IGDCC3: variants seen among roughly 807,000 people sequenced by gnomAD.
IGDCC3 encodes immunoglobulin superfamily DCC subclass member 3.
In IGDCC3, 47 loss-of-function variants were observed where a neutral mutation model predicts 72.0. The observed-to-expected ratio is 0.65, with a 90% CI of 0.52 to 0.83. The LOEUF (loss-of-function observed/expected upper bound fraction) is 0.83. Ranked by LOEUF, IGDCC3 falls within the 40% of genes least tolerant of loss-of-function variation. The pLI, the probability that IGDCC3 is intolerant of heterozygous loss-of-function variation, is 0.00. For missense variants in IGDCC3, 1,038 were observed against 1,091.3 expected (o/e 0.95, Z 0.69); for synonymous variants, 477 against 472.8 (o/e 1.01, Z -0.11).
intron 2 of IGDCC3, among the ~76,000 whole-genome samples, chr15:65,347,760 G>A (rs1277242602): frequency 6.6e-6 from 1 of 152,012 alleles, no homozygotes; most frequent in Non-Finnish European, 1.5e-5. Context: ...GCGAAACCCT[G>A]TCCTTACTAA....
Position 65,330,628 on chromosome 15 carries a change from G to T in IGDCC3, c.1675C>A (p.Arg559Ser), listed in dbSNP as rs778997115. The T allele has an allele frequency of 1.2e-6, 2 of 1,613,798 alleles. No individual in the cohort carries two copies. Among genetic ancestry groups the T allele is most frequent in the South Asian group, 2.2e-5 (2 of 91,074 alleles). The change falls in exon 10 of 14, where the codon CGC (arginine) becomes AGC (serine). Residue 559 changes from arginine to serine, a missense_variant. Arg to Ser is a moderately radical substitution (Grantham distance 110, BLOSUM62 -1). Coordinates refer to ENST00000327987, the MANE Select transcript of IGDCC3 (RefSeq NM_004884.4). The stretch of plus-strand genomic sequence containing the variant: ...GTGAAGGAGGTCTTGCTTGCTGGGC[G>T]GTAAAACAGCTTGAAGCCGCCCTCG... ...QHEGGFKLFYRPASKTSFTGP... is the reference protein window; with the variant it reads ...QHEGGFKLFYSPASKTSFTGP...
At position 65,335,898 on chromosome 15, in the gene IGDCC3, G is replaced by A. The variant is rs779654851; in HGVS notation, c.468C>T (p.Ala156=). Residue 156 remains alanine, a synonymous_variant, in exon 3 of 14, where the codon GCC becomes GCT. Transcript: ENST00000327987. ...GCCCATGGATTTGGCACTGGAAGCG[G>A]GCCACACCACCCTCCTCACCCACGG... ...QATVGEEGGV[A]RFQCQIHGLP... The A allele has an allele frequency of 6.2e-6, 10 of 1,614,028 alleles. No individual in the cohort carries two copies. The highest frequency in any genetic ancestry group is 8.5e-6 in the Non-Finnish European group (10 of 1,180,000).
chr15:65,334,037 A>G (rs562007444), intron 5 of IGDCC3, among the ~76,000 whole-genome samples: 5 of 149,568 alleles, frequency 3.3e-5, no homozygotes, highest in African/African-American at 1.2e-4. Flanking sequence ...ACAAGGAGAC[A>G]GCTCCCCATT....
intron 5 of IGDCC3, among the ~76,000 whole-genome samples, chr15:65,333,788 T>A (rs560850734): frequency 6.6e-6 from 1 of 152,222 alleles, no homozygotes; most frequent in Non-Finnish European, 1.5e-5. Flanking sequence ...GTAAGTCACA[T>A]CACAGTGCCC....
chr15:65,366,133 G>A (rs372412655), intron 2 of IGDCC3, among the ~76,000 whole-genome samples: 9 of 150,824 alleles, frequency 6.0e-5, no homozygotes, highest in Non-Finnish European at 1.5e-5. Flanking sequence ...ATTTGAACCC[G>A]GGAGGTGGAG....
chr15:65,368,160 TCACA>T (rs57451250), intron 2 of IGDCC3, among the ~76,000 whole-genome samples: 9,923 of 146,240 alleles, frequency 0.068, 380 homozygotes, highest in Non-Finnish European at 0.085. Flanking sequence ...TCTCTTTCAC[TCACA>T]CACACACACA....
chr15:65,361,424 CCAGGA>C (rs2091260425), intron 2 of IGDCC3, among the ~76,000 whole-genome samples: 1 of 151,360 alleles, frequency 6.6e-6, no homozygotes, highest in South Asian at 2.1e-4. Flanking sequence ...CCAGGATCAA[CCAGGA>C]TGACAGAGCA....
intron 2 of IGDCC3, among the ~76,000 whole-genome samples, chr15:65,347,937 AAACAACAACAAC>A (rs138666608): frequency 2.7e-5 from 4 of 150,560 alleles, no homozygotes; most frequent in Admixed American, 6.6e-5. Context: ...ATTTCATCTC[AAACAACAACAAC>A]AACAACAACA....
chr15:65,373,500 G>A (rs1173591548), intron 2 of IGDCC3: 2 of 152,424 alleles, frequency 1.3e-5, no homozygotes, highest in African/African-American at 4.8e-5. Flanking sequence ...CCCAGCGAGA[G>A]GGCTCCTGCC....
chr15:65,334,725 C>T lies in IGDCC3; in HGVS notation c.823+3G>A, dbSNP rs373558118. On this transcript the variant is annotated splice_donor_region_variant and intron_variant, in intron 5 of 13. Transcript: ENST00000327987. Reference sequence around the variant, plus strand: ...GGGCAGGGGCTGTGGGGATGAGGCTCACCCAGGCGGCTCCAGGACACAATG... The same window carrying T: ...GGGCAGGGGCTGTGGGGATGAGGCTTACCCAGGCGGCTCCAGGACACAATG... 40 of 1,558,000 alleles carry T rather than the reference C, an allele frequency of 2.6e-5. No homozygotes were observed. The highest frequency in any genetic ancestry group is 3.4e-5 in the Non-Finnish European group (39 of 1,151,916).
At chr15:65,356,848 C>CTTTGTTTTTTTTTTTTTTTTTT (rs2091225086) in intron 2 of IGDCC3, among the ~76,000 whole-genome samples, 1 of 70,898 alleles carries the variant, frequency 1.4e-5, no homozygotes, top group Non-Finnish European at 2.6e-5. Context: ...AATGGACCTG[C>CTTTGTTTTTTTTTTTTTTTTTT]TTTTTTTTTT....
At chr15:65,338,424 C>T (rs2091050107) in intron 2 of IGDCC3, among the ~76,000 whole-genome samples, 1 of 152,184 alleles carries the variant, frequency 6.6e-6, no homozygotes, top group South Asian at 2.1e-4. Flanking sequence ...CCTTAGTTTT[C>T]CAGCAAGTTT....
At chr15:65,352,664 C>G (rs890177819) in intron 2 of IGDCC3, among the ~76,000 whole-genome samples, 2 of 152,172 alleles carry the variant, frequency 1.3e-5, no homozygotes, top group Admixed American at 6.5e-5. Flanking sequence ...TTAAAAAAGT[C>G]TCATCTAAGG....
At chr15:65,368,310 G>T (rs77281253) in intron 2 of IGDCC3, among the ~76,000 whole-genome samples, 7 of 151,714 alleles carry the variant, frequency 4.6e-5, no homozygotes, top group South Asian at 4.2e-4. Flanking sequence ...GAGGGTTAAG[G>T]GGGGCTGGGG....
intron 2 of IGDCC3, among the ~76,000 whole-genome samples, chr15:65,363,258 T>C (rs2091272161): frequency 6.6e-6 from 1 of 152,154 alleles, no homozygotes; most frequent in African/African-American, 2.4e-5. Context: ...AGGATGCTCA[T>C]GGCAGACAGG....
intron 2 of IGDCC3, among the ~76,000 whole-genome samples, chr15:65,372,853 G>A (rs1208457316): frequency 6.6e-6 from 1 of 152,218 alleles, no homozygotes; most frequent in East Asian, 1.9e-4. Context: ...ATCAGCCTGT[G>A]AAGTGAGAAA....
intron 1 of IGDCC3, among the ~76,000 whole-genome samples, chr15:65,375,884 C>T (rs1333656117): frequency 6.6e-6 from 1 of 152,160 alleles, no homozygotes; most frequent in Non-Finnish European, 1.5e-5. Context: ...CAAAGAAGAA[C>T]AATGGAGCTT....
intron 2 of IGDCC3, among the ~76,000 whole-genome samples, chr15:65,368,111 C>A (rs1480222563): frequency 6.6e-6 from 1 of 151,152 alleles, no homozygotes; most frequent in African/African-American, 2.4e-5. Flanking sequence ...TTATTGAAAG[C>A]TATGGAGAAC....
intron 2 of IGDCC3, among the ~76,000 whole-genome samples, chr15:65,337,225 C>T (rs1048139817): frequency 2.2e-4 from 33 of 152,356 alleles, no homozygotes; most frequent in South Asian, 1.7e-3. Context: ...GGCGTGTTCT[C>T]CATCTCATTT....
Sources: allele counts gnomAD v4.1 joint callset (sites outside exome capture counted in the v4.1 genomes callset), GRCh38; gene constraint gnomAD v4.1.1; transcripts MANE v1.5; gene names NCBI Gene and HGNC (gene_info 2026-07-23, HGNC 2026-07-21).